LRBA: variants seen among roughly 807,000 people sequenced by gnomAD.
LRBA encodes the protein LPS responsive beige-like anchor protein.
In LRBA, 176 loss-of-function variants were observed where a neutral mutation model predicts 330.0. That is an observed-to-expected ratio of 0.53 (90% confidence interval 0.47 to 0.60). The LOEUF is 0.60. Ranked by LOEUF, LRBA falls within the 20% of genes least tolerant of loss-of-function variation. The pLI, the probability that LRBA is intolerant of heterozygous loss-of-function variation, is 0.00. For missense variants in LRBA, 3,259 were observed against 3,444.8 expected, an observed-to-expected ratio of 0.95 and a Z score of 1.35; for synonymous variants, 1,230 against 1,193.0, an observed-to-expected ratio of 1.03 and a Z score of -0.64.
intron 2 of LRBA, among the ~76,000 whole-genome samples, chr4:150,957,719 G>A (rs1344886096): frequency 1.3e-5 from 2 of 149,094 alleles, no homozygotes; most frequent in African/African-American, 5.2e-5. Flanking sequence ...GTTACTGCCT[G>A]GATACAATGG....
At chr4:150,275,895 C>T (rs1032710224) in intron 56 of LRBA, among the ~76,000 whole-genome samples, 8 of 152,310 alleles carry the variant, frequency 5.3e-5, no homozygotes, top group African/African-American at 1.9e-4. Context: ...CCCCATCAAG[C>T]TACCATTGAC....
intron 56 of LRBA, among the ~76,000 whole-genome samples, chr4:150,274,166 G>A (rs1448273726): frequency 6.6e-6 from 1 of 152,108 alleles, no homozygotes; most frequent in Non-Finnish European, 1.5e-5. Flanking sequence ...ACTCAAAACC[G>A]CACAACTACA....
intron 40 of LRBA, among the ~76,000 whole-genome samples, chr4:150,538,979 CT>C (rs534934244): frequency 5.0e-4 from 74 of 146,584 alleles, no homozygotes; most frequent in South Asian, 2.6e-3. Flanking sequence ...AAACCTTTAA[CT>C]TTTTTTTTTT....
intron 53 of LRBA, among the ~76,000 whole-genome samples, chr4:150,286,447 C>T (rs1748138880): frequency 6.6e-6 from 1 of 152,134 alleles, no homozygotes; most frequent in African/African-American, 2.4e-5. Flanking sequence ...CCGCTGAAAC[C>T]CATCATAATG....
chr4:150,443,228 G>T (rs1236028613), intron 44 of LRBA, among the ~76,000 whole-genome samples: 3 of 152,108 alleles, frequency 2.0e-5, no homozygotes, highest in African/African-American at 7.2e-5. Context: ...AGAGAAATAG[G>T]AATACTTTTA....
At chr4:150,756,664 G>A (rs1479832516) in intron 35 of LRBA, among the ~76,000 whole-genome samples, 2 of 151,916 alleles carry the variant, frequency 1.3e-5, no homozygotes, top group African/African-American at 2.4e-5. Flanking sequence ...ATGAATTTAG[G>A]TCCAATATAC....
intron 22 of LRBA, among the ~76,000 whole-genome samples, chr4:150,864,644 CTTTTT>C (rs34280757): frequency 3.4e-5 from 4 of 118,450 alleles, no homozygotes; most frequent in Admixed American, 9.1e-5. Context: ...GGCCCACGTT[CTTTTT>C]TTTTTTTTTT....
rs369880084 is a variant in LRBA, at chr4:150,856,384, T to C, written c.2767-3441A>G. On this transcript the variant is annotated intron_variant, in intron 22 of 56. Transcript: ENST00000651943. ...ATCTCTCTTCTATGTTGTCTCTTGTTTCTTATATTTCATTTCTTCCTCTTT... is the reference window on the plus strand; with the variant it reads ...ATCTCTCTTCTATGTTGTCTCTTGTCTCTTATATTTCATTTCTTCCTCTTT... Among the ~76,000 whole-genome samples the C allele has an allele frequency of 3.3e-5, 5 of 152,298 alleles. No individual in the cohort carries two copies. In the South Asian group the frequency reaches 6.2e-4, roughly 19 times the overall value.
intron 44 of LRBA, among the ~76,000 whole-genome samples, chr4:150,445,573 T>C (rs1446072114): frequency 6.6e-6 from 1 of 151,926 alleles, no homozygotes; most frequent in Non-Finnish European, 1.5e-5. Flanking sequence ...GCAAGGAGGA[T>C]TCCAAATCCA....
chr4:150,907,135 C>CA (rs556917960), intron 11 of LRBA, among the ~76,000 whole-genome samples: 7 of 131,678 alleles, frequency 5.3e-5, no homozygotes, highest in East Asian at 2.2e-4. Context: ...TCCCACAAAA[C>CA]AAAAAAAAAG....
chr4:150,951,466 G>C, intron 2 of LRBA, among the ~76,000 whole-genome samples: 1 of 151,942 alleles, frequency 6.6e-6, no homozygotes, highest in East Asian at 1.9e-4. Flanking sequence ...AAAGATCAGA[G>C]ATCAGAATGT....
intron 28 of LRBA, among the ~76,000 whole-genome samples, chr4:150,838,471 T>A (rs1451047862): frequency 6.6e-6 from 1 of 152,216 alleles, no homozygotes; most frequent in Admixed American, 6.5e-5. Context: ...CCCATATTTC[T>A]TGGAGGCTTC....
chr4:150,896,469 A>G lies in LRBA; in HGVS notation c.2005-13T>C. ...TTACTCCAGAATCCTTCAAAAACATAATACAGGTATCTTACGTTTACATGT... is the reference window on the plus strand; with the variant it reads ...TTACTCCAGAATCCTTCAAAAACATGATACAGGTATCTTACGTTTACATGT... On this transcript the variant is annotated splice_polypyrimidine_tract_variant and intron_variant, in intron 15 of 56. Transcript: ENST00000651943. 1 of 1,414,200 alleles carries G rather than the reference A, an allele frequency of 7.1e-7. No homozygotes were observed. Among genetic ancestry groups the G allele is most frequent in the Non-Finnish European group, 9.8e-7 (1 of 1,017,070 alleles). The allele number at this position is 1,414,200 out of a possible 1,614,324, so 87.6% of individuals were successfully genotyped here. A position where few individuals can be genotyped will look rare whatever the true frequency, so the allele number is the denominator to read the frequency against.
chr4:150,576,874 T>C (rs1005458441), intron 40 of LRBA, among the ~76,000 whole-genome samples: 12 of 152,074 alleles, frequency 7.9e-5, no homozygotes, highest in African/African-American at 2.9e-4. Context: ...TAAAATTATC[T>C]GAAGTTCAAC....
At chr4:150,782,414 T>A (rs908306487) in intron 34 of LRBA, among the ~76,000 whole-genome samples, 17 of 152,232 alleles carry the variant, frequency 1.1e-4, no homozygotes, top group African/African-American at 4.1e-4. Flanking sequence ...TCAGTTTTAC[T>A]GAGCCAAAAT....
intron 28 of LRBA, among the ~76,000 whole-genome samples, chr4:150,837,334 A>T (rs982101262): frequency 1.1e-4 from 16 of 152,132 alleles, no homozygotes; most frequent in Non-Finnish European, 2.1e-4. Flanking sequence ...AGCTGAGTTC[A>T]ATTCCTGGGT....
intron 40 of LRBA, among the ~76,000 whole-genome samples, chr4:150,541,809 C>CA (rs1343598416): frequency 2.0e-5 from 3 of 152,064 alleles, no homozygotes; most frequent in Non-Finnish European, 4.4e-5. Flanking sequence ...CATCCTGCCT[C>CA]AGGCAGCAAT....
At chr4:150,372,210 G>A (rs1740429932) in intron 47 of LRBA, among the ~76,000 whole-genome samples, 1 of 152,108 alleles carries the variant, frequency 6.6e-6, no homozygotes, top group Non-Finnish European at 1.5e-5. Flanking sequence ...ATTTATTTGA[G>A]TACTGTGATA....
intron 2 of LRBA, among the ~76,000 whole-genome samples, chr4:150,946,073 T>C (rs111671302): frequency 1.3e-5 from 2 of 152,286 alleles, no homozygotes; most frequent in African/African-American, 4.8e-5. Context: ...GCTGGGATTA[T>C]AGGCGTGAGC....
Sources: gnomAD v4.1 joint callset for allele counts (sites outside exome capture counted in the v4.1 genomes callset) on GRCh38, gnomAD v4.1.1 for gene constraint, MANE v1.5 for transcripts, NCBI Gene and HGNC (gene_info 2026-07-23, HGNC 2026-07-21) for gene names.